The following RPH3A variants were observed in gnomAD, a reference collection of about 807,000 sequenced individuals.
RPH3A encodes rabphilin 3A.
RPH3A carries 48 observed loss-of-function variants against 102.2 expected under a neutral mutation model. The observed-to-expected ratio is 0.47, with a 90% CI of 0.37 to 0.60. The LOEUF (loss-of-function observed/expected upper bound fraction) is 0.60, where lower values mean the gene tolerates loss of function less well. Among genes scored for constraint, RPH3A ranks in the 20% least tolerant of loss-of-function variants. The pLI, the probability that RPH3A is intolerant of heterozygous loss-of-function variation, is 0.00. For missense variants in RPH3A, 781 were observed against 910.1 expected, an observed-to-expected ratio of 0.86 and a Z score of 1.83; for synonymous variants, 310 against 324.3, an observed-to-expected ratio of 0.96 and a Z score of 0.47.
intron 2 of RPH3A, among the ~76,000 whole-genome samples, chr12:112,815,038 A>T (rs1406951712): frequency 6.6e-6 from 1 of 152,140 alleles, no homozygotes; most frequent in Non-Finnish European, 1.5e-5. Context: ...CCGGATGGAG[A>T]GGTCCTCCTG....
At chr12:112,672,590 C>T (rs1240883031) in intron 1 of RPH3A, among the ~76,000 whole-genome samples, 2 of 152,174 alleles carry the variant, frequency 1.3e-5, no homozygotes, top group Non-Finnish European at 2.9e-5. Context: ...CCTTGGTGCT[C>T]TCCCTATGGC....
chr12:112,888,306 C>A (rs2043037968), intron 17 of RPH3A, among the ~76,000 whole-genome samples: 1 of 152,208 alleles, frequency 6.6e-6, no homozygotes, highest in Admixed American at 6.5e-5. Context: ...ACAGTACCTG[C>A]CTCTTGGGAG....
At chr12:112,764,999 T>G (rs960440387) in intron 1 of RPH3A, among the ~76,000 whole-genome samples, 26 of 152,226 alleles carry the variant, frequency 1.7e-4, no homozygotes, top group African/African-American at 6.0e-4. Context: ...GCTGCTTCTG[T>G]ATAATTGTCT....
chr12:112,661,369 G>A (rs958426160), intron 1 of RPH3A, among the ~76,000 whole-genome samples: 3 of 152,146 alleles, frequency 2.0e-5, no homozygotes, highest in African/African-American at 7.2e-5. Context: ...TACTCCCTAA[G>A]CCTTAGTTTT....
At chr12:112,839,713 C>T (rs550585097) in intron 4 of RPH3A, among the ~76,000 whole-genome samples, 60 of 152,304 alleles carry the variant, frequency 3.9e-4, no homozygotes, top group Non-Finnish European at 7.9e-4. Flanking sequence ...TAGAGCCAGA[C>T]GTGGTGGCTC....
chr12:112,736,109 G>A (rs2040667713), intron 1 of RPH3A, among the ~76,000 whole-genome samples: 1 of 152,092 alleles, frequency 6.6e-6, no homozygotes, highest in East Asian at 1.9e-4. Flanking sequence ...CTCATTTACA[G>A]TGGGGTTTCT....
intron 1 of RPH3A, among the ~76,000 whole-genome samples, chr12:112,597,637 A>G (rs1012861603): frequency 3.9e-5 from 6 of 152,162 alleles, no homozygotes; most frequent in Admixed American, 1.3e-4. Context: ...CCTATCCCCA[A>G]TCCTGGCTGG....
Position 112,703,041 on chromosome 12 carries a change from G to A in RPH3A, c.-139-89102G>A, listed in dbSNP as rs543312421. ...TAGGAAGCAAGGATGTGCCAGTTCT[G>A]AGCCTGTATCTCAAGAGGATGAGGA... On this transcript the variant is annotated intron_variant, in intron 1 of 21. Coordinates refer to the RPH3A transcript ENST00000543106. Among the ~76,000 whole-genome samples, 5 of 152,290 alleles carry A rather than the reference G, an allele frequency of 3.3e-5. No individual in the cohort carries two copies. The South Asian group carries it at 6.2e-4, about 19-fold the overall frequency.
intron 1 of RPH3A, among the ~76,000 whole-genome samples, chr12:112,751,436 A>G (rs562978375): frequency 2.6e-5 from 4 of 152,224 alleles, no homozygotes; most frequent in Non-Finnish European, 5.9e-5. Flanking sequence ...ACCTGTCTAT[A>G]AAATGAAGGA....
At chr12:112,876,157 C>T (rs930462120) in intron 12 of RPH3A, among the ~76,000 whole-genome samples, 7 of 152,234 alleles carry the variant, frequency 4.6e-5, no homozygotes, top group South Asian at 4.2e-4. Flanking sequence ...CCACACTGAG[C>T]GACAGTGGTT....
At chr12:112,888,419 C>A (rs2043038970) in intron 17 of RPH3A, among the ~76,000 whole-genome samples, 1 of 152,248 alleles carries the variant, frequency 6.6e-6, no homozygotes, top group Admixed American at 6.5e-5. Flanking sequence ...GCCTTACCCA[C>A]CTGTCAGTCA....
intron 1 of RPH3A, among the ~76,000 whole-genome samples, chr12:112,772,250 G>A (rs2040931780): frequency 6.6e-6 from 1 of 150,828 alleles, no homozygotes; most frequent in African/African-American, 2.4e-5. Flanking sequence ...GCTGGAATCA[G>A]AGCTGGCACA....
rs144847878 is a variant in RPH3A, at chr12:112,868,843, T to G, written c.610+248T>G. The G allele has an allele frequency of 2.8e-5, 12 of 426,632 alleles. No individual in the cohort carries two copies. The East Asian group carries it at 4.2e-4, about 15-fold the overall frequency. The allele number at this position is 426,632 out of a possible 1,614,324, so 26.4% of individuals were successfully genotyped here. ...CTTCATTGTCATCCCTGGTGGCATA[T>G]CTAGTGTACAAGAGGTGGAAATTAA... On this transcript the variant is annotated intron_variant, in intron 8 of 21. Coordinates refer to ENST00000389385, the MANE Select transcript of RPH3A (RefSeq NM_001143854.2).
chr12:112,875,401 T>C (rs994630595), intron 11 of RPH3A, among the ~76,000 whole-genome samples: 21 of 152,122 alleles, frequency 1.4e-4, no homozygotes, highest in African/African-American at 4.8e-4. Context: ...CAGAAAGTGA[T>C]GGCACCTCAT....
chr12:112,733,682 A>G (rs1297544749), intron 1 of RPH3A, among the ~76,000 whole-genome samples: 1 of 152,130 alleles, frequency 6.6e-6, no homozygotes, highest in Non-Finnish European at 1.5e-5. Flanking sequence ...TCTCCTTGCA[A>G]TGGAAGGAAA....
chr12:112,804,445 A>G (rs1270668509), intron 2 of RPH3A, among the ~76,000 whole-genome samples: 1 of 152,198 alleles, frequency 6.6e-6, no homozygotes, highest in Non-Finnish European at 1.5e-5. Flanking sequence ...GAGGGTGGAA[A>G]GTTGAAACCA....
chr12:112,741,097 C>T (rs941281635), intron 1 of RPH3A, among the ~76,000 whole-genome samples: 1 of 152,178 alleles, frequency 6.6e-6, no homozygotes, highest in Non-Finnish European at 1.5e-5. Flanking sequence ...CCCCCTGCCT[C>T]AGAACATCCC....
At chr12:112,847,337 A>C (rs1156618389) in intron 4 of RPH3A, among the ~76,000 whole-genome samples, 2 of 152,214 alleles carry the variant, frequency 1.3e-5, no homozygotes, top group Non-Finnish European at 2.9e-5. Context: ...TCTCTCTGCC[A>C]GGCAGATGCT....
At chr12:112,627,493 T>A (rs75350628) in intron 1 of RPH3A, among the ~76,000 whole-genome samples, 1 of 151,124 alleles carries the variant, frequency 6.6e-6, no homozygotes, top group Non-Finnish European at 1.5e-5. Context: ...ATATAATACA[T>A]AGTGTTATAT....
Sources: gnomAD v4.1 joint callset for allele counts (sites outside exome capture counted in the v4.1 genomes callset) on GRCh38, gnomAD v4.1.1 for gene constraint, MANE v1.5 for transcripts, NCBI Gene and HGNC (gene_info 2026-07-23, HGNC 2026-07-21) for gene names.